The following SLC24A2 variants were observed in gnomAD, a reference collection of about 807,000 sequenced individuals.
The protein encoded by SLC24A2 is sodium/potassium/calcium exchanger 2.
SLC24A2 carries 36 observed loss-of-function variants against 62.0 expected under a neutral mutation model. The ratio of observed to expected loss-of-function variants is 0.58; its 90% confidence interval spans 0.44 to 0.77. The LOEUF (loss-of-function observed/expected upper bound fraction) is 0.77, where lower values mean the gene tolerates loss of function less well. SLC24A2 is among the 30% of genes least tolerant of loss of function. The pLI is 0.00. For missense variants in SLC24A2, 846 were observed against 817.9 expected, an observed-to-expected ratio of 1.03 and a Z score of -0.42; for synonymous variants, 358 against 294.0, an observed-to-expected ratio of 1.22 and a Z score of -2.23.
intron 8 of SLC24A2, among the ~76,000 whole-genome samples, chr9:19,548,015 A>G (rs985618348): frequency 6.6e-6 from 1 of 151,642 alleles, no homozygotes; most frequent in Non-Finnish European, 1.5e-5. Flanking sequence ...ATATTGCTTT[A>G]AGTGAGCCAC....
chr9:19,840,822 A>G, the SLC24A2 span, among the ~76,000 whole-genome samples: 4 of 152,134 alleles, frequency 2.6e-5, no homozygotes, highest in Non-Finnish European at 5.9e-5. Flanking sequence ...TTTACCAGTT[A>G]CAGAACTTTA....
the SLC24A2 span, among the ~76,000 whole-genome samples, chr9:19,824,113 C>T: frequency 6.6e-6 from 1 of 152,150 alleles, no homozygotes; most frequent in Non-Finnish European, 1.5e-5. Context: ...TAGGCACGGA[C>T]AAGGACTTCA....
chr9:19,758,751 A>T (rs1259746625), intron 2 of SLC24A2, among the ~76,000 whole-genome samples: 1 of 152,158 alleles, frequency 6.6e-6, no homozygotes. Context: ...AAAGGAAGGT[A>T]ATTCCTTTTA....
At chr9:19,887,018 C>T in the SLC24A2 span, among the ~76,000 whole-genome samples, 2 of 151,976 alleles carry the variant, frequency 1.3e-5, no homozygotes, top group Non-Finnish European at 2.9e-5. Flanking sequence ...CACATGGACA[C>T]AGGGAGGAAA....
At chr9:19,541,410 G>C (rs1271099743) in intron 8 of SLC24A2, among the ~76,000 whole-genome samples, 1 of 151,764 alleles carries the variant, frequency 6.6e-6, no homozygotes, top group Non-Finnish European at 1.5e-5. Context: ...CTGGTCGTTA[G>C]TTTTCCTTCT....
At chr9:20,103,451 G>A in the SLC24A2 span, among the ~76,000 whole-genome samples, 1 of 152,314 alleles carries the variant, frequency 6.6e-6, no homozygotes, top group African/African-American at 2.4e-5. Context: ...GCACCCCCCA[G>A]CAGGGGCAGA....
the SLC24A2 span, among the ~76,000 whole-genome samples, chr9:20,220,903 TA>T: frequency 6.6e-6 from 1 of 152,110 alleles, no homozygotes; most frequent in Non-Finnish European, 1.5e-5. Flanking sequence ...AATACTCAAT[TA>T]ACCTAAGCAA....
At chr9:20,043,830 G>A in the SLC24A2 span, among the ~76,000 whole-genome samples, 1 of 152,118 alleles carries the variant, frequency 6.6e-6, no homozygotes, top group Admixed American at 6.5e-5. Flanking sequence ...AATAAACTTA[G>A]TTGATAAAGC....
chr9:19,661,551 A>G (rs748679116), intron 2 of SLC24A2, among the ~76,000 whole-genome samples: 6 of 152,218 alleles, frequency 3.9e-5, no homozygotes, highest in South Asian at 2.1e-4. Flanking sequence ...ATTCAGCTCA[A>G]TATTTCTTGC....
intron 2 of SLC24A2, among the ~76,000 whole-genome samples, chr9:19,640,940 T>C (rs945321416): frequency 1.2e-4 from 19 of 152,250 alleles, no homozygotes; most frequent in African/African-American, 4.6e-4. Flanking sequence ...GTTCAAATGG[T>C]AAGCTAATGA....
At chr9:20,063,936 T>G in the SLC24A2 span, among the ~76,000 whole-genome samples, 5 of 152,200 alleles carry the variant, frequency 3.3e-5, no homozygotes, top group Admixed American at 6.5e-5. Context: ...CTTAAAAAGT[T>G]ACACGTAAAC....
chr9:20,200,698 T>C, the SLC24A2 span, among the ~76,000 whole-genome samples: 3 of 152,216 alleles, frequency 2.0e-5, no homozygotes, highest in Admixed American at 1.3e-4. Flanking sequence ...ATTAGCTTCA[T>C]GGTAAATTGG....
At chr9:19,970,576 A>C in the SLC24A2 span, among the ~76,000 whole-genome samples, 1 of 152,224 alleles carries the variant, frequency 6.6e-6, no homozygotes, top group African/African-American at 2.4e-5. Flanking sequence ...AGCTCTAATA[A>C]GTAGCAATTT....
chr9:19,806,714 T>C, the SLC24A2 span, among the ~76,000 whole-genome samples: 3 of 152,134 alleles, frequency 2.0e-5, no homozygotes, highest in Non-Finnish European at 2.9e-5. Context: ...TTCTAGTCAT[T>C]TAAGAACAAT....
chr9:20,136,602 G>A, the SLC24A2 span, among the ~76,000 whole-genome samples: 2 of 152,104 alleles, frequency 1.3e-5, no homozygotes, highest in African/African-American at 4.8e-5. Context: ...CCCATACTGA[G>A]TGAAAGATAG....
At chr9:20,037,773 G>A in the SLC24A2 span, among the ~76,000 whole-genome samples, 1 of 152,180 alleles carries the variant, frequency 6.6e-6, no homozygotes, top group Non-Finnish European at 1.5e-5. Context: ...TGACTCGGAA[G>A]AAGGACAAGA....
chr9:19,994,622 A>G, the SLC24A2 span, among the ~76,000 whole-genome samples: 6 of 152,178 alleles, frequency 3.9e-5, no homozygotes, highest in African/African-American at 9.7e-5. Context: ...AGGAGTTGGC[A>G]TGCTATGAGG....
chr9:20,098,803 C>T, the SLC24A2 span, among the ~76,000 whole-genome samples: 1 of 152,186 alleles, frequency 6.6e-6, no homozygotes, highest in Non-Finnish European at 1.5e-5. Flanking sequence ...CCAAGTCAAG[C>T]TCCTTTAGGG....
intron 2 of SLC24A2, among the ~76,000 whole-genome samples, chr9:19,760,591 C>T (rs368864514): frequency 1.1e-4 from 16 of 151,954 alleles, no homozygotes; most frequent in African/African-American, 3.9e-4. Context: ...TGTTCAACTC[C>T]CACTTATGAA....
Sources: allele counts gnomAD v4.1 joint callset (sites outside exome capture counted in the v4.1 genomes callset), GRCh38; gene constraint gnomAD v4.1.1; transcripts MANE v1.5; gene names NCBI Gene and HGNC (gene_info 2026-07-23, HGNC 2026-07-21).